The following MFSD1 variants were observed in gnomAD, a reference collection of about 807,000 sequenced individuals.
The protein encoded by MFSD1 is major facilitator superfamily domain containing 1.
In MFSD1, 59 loss-of-function variants were observed where a neutral mutation model predicts 67.1. The ratio of observed to expected loss-of-function variants is 0.88; its 90% CI spans 0.71 to 1.09. The LOEUF (loss-of-function observed/expected upper bound fraction) is 1.09. MFSD1 is among the 50% of genes least tolerant of loss of function. The pLI is 0.00. For missense variants in MFSD1, 552 were observed against 566.1 expected (o/e 0.97, Z 0.25); for synonymous variants, 213 against 200.3 (o/e 1.06, Z -0.54).
chr3:158,807,396 G>A lies in MFSD1; in HGVS notation c.373G>A (p.Val125Ile), dbSNP rs371509741. 1.0e-4 allele frequency: 166 copies of A among 1,611,144 alleles called. No individual in the cohort carries two copies. The highest frequency in any genetic ancestry group is 3.3e-4 in the Middle Eastern group (2 of 5,998). Residue 125 changes from valine (V) to isoleucine (I), a missense_variant and splice_region_variant, in exon 5 of 16, where the codon GTT becomes ATT. Transcript: ENST00000415822. ...IFSCFVCIGQ[V>I]VFALGGIFNA... ...TTTGACATGAACTTCTACATTATAG[G>A]TTGTTTTTGCCCTGGGTGGAATATT... is the stretch of plus-strand genomic sequence containing the variant.
rs1309048870 is a variant in MFSD1 at position 158,821,619 on chromosome 3, G to A, written c.886G>A (p.Gly296Arg). 3 of 1,609,668 alleles carry A rather than the reference G, an allele frequency of 1.9e-6. No individual in the cohort carries two copies. The highest frequency in any genetic ancestry group is 4.5e-5 in the East Asian group (2 of 44,776). Residue 296 changes from glycine to arginine, a missense_variant, in exon 10 of 16, where the codon GGA becomes AGA. Gly to Arg is a moderately radical substitution (Grantham distance 125, BLOSUM62 -2). Coordinates refer to ENST00000415822, the MANE Select transcript of MFSD1 (RefSeq NM_022736.4). ...TAGAGTTTTCTTTACAGAGAAATTTGGATTTTCTTCCCAGGCAGCAAGTGC... is the reference window on the plus strand; with the variant it reads ...TAGAGTTTTCTTTACAGAGAAATTTAGATTTTCTTCCCAGGCAGCAAGTGC... Reference protein sequence around the residue: ...LGKVFFTEKFGFSSQAASAIN... With the variant: ...LGKVFFTEKFRFSSQAASAIN...
rs1468486785 is a variant in MFSD1, at chr3:158,821,666, T to G, written c.920+13T>G. On this transcript the variant is annotated intron_variant, in intron 10 of 15. Transcript: ENST00000415822. ...GTGCAATTAACAGGTATTTTAAAATTAATTTTGTAAGTGCCTATTGCATGT... is the reference window on the plus strand; with the variant it reads ...GTGCAATTAACAGGTATTTTAAAATGAATTTTGTAAGTGCCTATTGCATGT... 11 of 1,596,682 alleles carry G rather than the reference T, an allele frequency of 6.9e-6. No homozygotes were observed. Among genetic ancestry groups the G allele is most frequent in the African/African-American group, 1.3e-5 (1 of 74,398 alleles).
chr3:158,824,357 TG>T, intron 13 of MFSD1, 121 bp downstream of exon 13: 1 of 722,884 alleles, frequency 1.4e-6, no homozygotes, highest in East Asian at 2.5e-5. Context: ...ATTTCATAGC[TG>T]GTGACTTTCT....
chr3:158,804,322 G>T lies in MFSD1; in HGVS notation c.167G>T (p.Ser56Ile). 1 of 1,608,486 alleles carries T rather than the reference G, an allele frequency of 6.2e-7. No homozygotes were observed. Among genetic ancestry groups the T allele is most frequent in the Non-Finnish European group, 8.5e-7 (1 of 1,177,424 alleles). The change falls in exon 2 of 16, where the codon AGC (serine) becomes ATC (isoleucine). Residue 56 changes from serine to isoleucine, a missense_variant. Transcript: ENST00000415822. ...TAAAGTATTTGCTCTTTTCTAGGCA[G>T]CTATTTTTGCTATGATAATCCTGCT... ...LLLMCFLGFG[S>I]YFCYDNPAAL...
intron 2 of MFSD1, among the ~76,000 whole-genome samples, 195 bp from the exon 3 acceptor site, chr3:158,805,167 T>C (rs1240204706): frequency 6.6e-6 from 1 of 152,136 alleles, no homozygotes; most frequent in Non-Finnish European, 1.5e-5. Flanking sequence ...GGTGTGACCA[T>C]TTTCCTGGGC....
chr3:158,822,017 G>A lies in MFSD1; in HGVS notation c.954G>A (p.Pro318=), dbSNP rs537277826. The part of the protein sequence containing the change: ...VVYVISAPMS[P]VFGLLVDKTG... ...ATGTCATATCAGCTCCCATGTCCCC[G>A]GTGTTTGGGCTCCTGGTGGATAAAA... is the stretch of plus-strand genomic sequence containing the variant. Residue 318 remains proline (P), a synonymous_variant, in exon 11 of 16, where the codon CCG becomes CCA. Transcript: ENST00000415822. The A allele has an allele frequency of 2.2e-5, 36 of 1,613,716 alleles. No individual in the cohort carries two copies. Among genetic ancestry groups the A allele is most frequent in the South Asian group, 1.1e-4 (10 of 91,062 alleles).
chr3:158,824,155 A>G lies in MFSD1; in HGVS notation c.1207A>G (p.Ile403Val), dbSNP rs368163635. Reference protein sequence around the residue: ...MQSIQNLGLAIISIIAGMILD... With the variant: ...MQSIQNLGLAVISIIAGMILD... ...GTCCATTCAGAATCTTGGGTTGGCC[A>G]TCATTTCCATCATTGCTGGTATGAT... The change falls in exon 13 of 16, where the codon ATC (isoleucine) becomes GTC (valine). Residue 403 changes from isoleucine to valine, a missense_variant. By Grantham distance (29) the Ile-to-Val change is conservative. Transcript: ENST00000415822. The G allele has an allele frequency of 1.5e-5, 24 of 1,612,400 alleles. No individual in the cohort carries two copies. The highest frequency in any genetic ancestry group is 1.9e-5 in the Non-Finnish European group (23 of 1,179,572).
At chr3:158,820,424 G>T in intron 9 of MFSD1, 98 bp downstream of exon 9, 2 of 769,686 alleles carry the variant, frequency 2.6e-6, no homozygotes, top group South Asian at 1.7e-5. Flanking sequence ...TTGCTTCTCT[G>T]GTTATAGTTT....
chr3:158,802,368 C>A (rs1729500634), intron 1 of MFSD1, 53 bp downstream of exon 1: 3 of 1,601,986 alleles, frequency 1.9e-6, no homozygotes, highest in African/African-American at 1.3e-5. Flanking sequence ...CCGACTTTCT[C>A]TTCGAGGTAG....
intron 9 of MFSD1, among the ~76,000 whole-genome samples, chr3:158,820,850 G>A (rs948324986): frequency 5.3e-5 from 8 of 152,238 alleles, no homozygotes; most frequent in African/African-American, 1.9e-4. Flanking sequence ...TTCCATGACA[G>A]GTGGGGATTA....
At chr3:158,807,984 G>C (rs1179000329) in intron 5 of MFSD1, among the ~76,000 whole-genome samples, 1 of 152,354 alleles carries the variant, frequency 6.6e-6, no homozygotes, top group East Asian at 1.9e-4. Flanking sequence ...CCTTGGGCTT[G>C]CTGCCCTGAG....
chr3:158,806,073 A>G (rs992750639), intron 3 of MFSD1, among the ~76,000 whole-genome samples: 1 of 152,184 alleles, frequency 6.6e-6, no homozygotes, highest in Non-Finnish European at 1.5e-5. Flanking sequence ...AGTGGAACTG[A>G]AGAGGAATAT....
At position 158,819,756 on chromosome 3, in the gene MFSD1, A is replaced by G. The variant is rs758765895; in HGVS notation, c.751+9A>G. 22 of 1,504,192 alleles carry G rather than the reference A, an allele frequency of 1.5e-5. No individual in the cohort carries two copies. Among genetic ancestry groups the G allele is most frequent in the East Asian group, 2.3e-5 (1 of 44,196 alleles). 93.2% of individuals were successfully genotyped at this position (1,504,192 alleles called of 1,614,324 possible). On this transcript the variant is annotated intron_variant, in intron 8 of 15. Transcript: ENST00000415822. ...AGAACAAGGAAAAACAGGTAAGTCT[A>G]AATGAAAGAATGGGACTTAGGGGAA...
In MFSD1 at chr3:158,829,011, G is replaced by A; in HGVS notation, c.*29G>A. The A allele has an allele frequency of 6.3e-7, 1 of 1,596,196 alleles. No individual in the cohort carries two copies. The highest frequency in any genetic ancestry group is 8.5e-7 in the Non-Finnish European group (1 of 1,171,536). On this transcript the variant is annotated 3_prime_UTR_variant, in exon 16 of 16. Transcript: ENST00000415822. ...GTTAAAATGAATGTGTCATGAGAATGGGCTTAACACATCGTTGGTTTGAAA... is the reference window on the plus strand; with the variant it reads ...GTTAAAATGAATGTGTCATGAGAATAGGCTTAACACATCGTTGGTTTGAAA...
chr3:158,826,629 C>T (rs1320736164), intron 14 of MFSD1, among the ~76,000 whole-genome samples: 1 of 150,454 alleles, frequency 6.6e-6, no homozygotes, highest in African/African-American at 2.4e-5. Flanking sequence ...TAAATAATTT[C>T]AGGTCATTTC....
intron 12 of MFSD1, 73 bp from the exon 13 acceptor site, chr3:158,824,051 T>G (rs1730827596): frequency 1.0e-6 from 1 of 989,752 alleles, no homozygotes; most frequent in Non-Finnish European, 1.6e-6. Context: ...ATACTAATAT[T>G]TATAGTGAAG....
chr3:158,821,364 C>T (rs1444978264), intron 9 of MFSD1, among the ~76,000 whole-genome samples: 2 of 152,122 alleles, frequency 1.3e-5, no homozygotes, highest in East Asian at 1.9e-4. Flanking sequence ...TGTGTGTATT[C>T]CTTACTGCAT....
intron 12 of MFSD1, 33 bp downstream of exon 12, chr3:158,823,558 G>C (rs373898655): frequency 7.3e-7 from 1 of 1,366,834 alleles, no homozygotes; most frequent in African/African-American, 1.4e-5. Flanking sequence ...GTATATGTCT[G>C]TCTCTGCTAT....
chr3:158,822,219 G>A (rs1428696555), intron 11 of MFSD1, 79 bp downstream of exon 11: 5 of 1,408,498 alleles, frequency 3.5e-6, no homozygotes, highest in South Asian at 1.5e-5. Context: ...GGCACGCTCA[G>A]CAAATTCAGA....
Sources: allele counts gnomAD v4.1 joint callset (sites outside exome capture counted in the v4.1 genomes callset), GRCh38; gene constraint gnomAD v4.1.1; transcripts MANE v1.5; gene names NCBI Gene and HGNC (gene_info 2026-07-23, HGNC 2026-07-21).